RASEF: variants seen among roughly 807,000 people sequenced by gnomAD.
RASEF encodes the protein RAS and EF-hand domain containing.
A neutral mutation model predicts 90.1 loss-of-function variants in RASEF; 68 were observed. The observed-to-expected ratio is 0.75, with a 90% CI of 0.62 to 0.92. The LOEUF (loss-of-function observed/expected upper bound fraction) is 0.92, where lower values mean the gene tolerates loss of function less well. Among genes scored for constraint, RASEF ranks in the 40% least tolerant of loss-of-function variants. The probability of loss-of-function intolerance (pLI) is 0.00; values close to 1 mark genes in which losing one functional copy is unlikely to be tolerated. For synonymous variants in RASEF, 331 were observed against 345.2 expected, an observed-to-expected ratio of 0.96 and a Z score of 0.46; for missense variants, 949 against 937.2, an observed-to-expected ratio of 1.01 and a Z score of -0.16.
intron 9 of RASEF, 105 bp downstream of exon 9, chr9:83,004,393 G>A (rs912602843): frequency 1.6e-5 from 7 of 447,702 alleles, no homozygotes; most frequent in Admixed American, 1.1e-4. Context: ...ATATAAATTA[G>A]TGACCAAAGT....
At chr9:83,115,945 C>G in the RASEF span, among the ~76,000 whole-genome samples, 1 of 151,938 alleles carries the variant, frequency 6.6e-6, no homozygotes. Flanking sequence ...AAAACCATGT[C>G]TATCTAAATA....
chr9:83,174,594 T>C, the RASEF span, among the ~76,000 whole-genome samples: 1 of 152,202 alleles, frequency 6.6e-6, no homozygotes, highest in Non-Finnish European at 1.5e-5. Flanking sequence ...TCCAACTTTG[T>C]TATTCTTTTT....
At chr9:83,168,293 G>A in the RASEF span, among the ~76,000 whole-genome samples, 1 of 152,128 alleles carries the variant, frequency 6.6e-6, no homozygotes, top group African/African-American at 2.4e-5. Context: ...TTGGCCATTT[G>A]TGTGTCTTCT....
chr9:83,156,385 A>T, the RASEF span, among the ~76,000 whole-genome samples: 1 of 152,186 alleles, frequency 6.6e-6, no homozygotes, highest in Non-Finnish European at 1.5e-5. Context: ...ACACTCTGTA[A>T]TTGGAGTTCC....
chr9:83,175,486 T>C, the RASEF span, among the ~76,000 whole-genome samples: 1 of 152,190 alleles, frequency 6.6e-6, no homozygotes, highest in Non-Finnish European at 1.5e-5. Context: ...ATCCTTTATA[T>C]ATGATGCTGG....
chr9:83,152,177 C>T, the RASEF span, among the ~76,000 whole-genome samples: 31 of 152,184 alleles, frequency 2.0e-4, no homozygotes, highest in Non-Finnish European at 3.5e-4. Flanking sequence ...TCAGATGGGA[C>T]ACTAGGCTTG....
At chr9:83,019,806 C>T (rs937963560) in intron 3 of RASEF, among the ~76,000 whole-genome samples, 3 of 152,230 alleles carry the variant, frequency 2.0e-5, no homozygotes, top group Admixed American at 6.5e-5. Flanking sequence ...GAGTGGAAAA[C>T]GCCAGAGAAG....
At chr9:83,125,831 T>C in the RASEF span, among the ~76,000 whole-genome samples, 1 of 152,318 alleles carries the variant, frequency 6.6e-6, no homozygotes, top group South Asian at 2.1e-4. Context: ...CATATTAAAG[T>C]CTCTGAGAAG....
At chr9:83,196,295 C>T in the RASEF span, among the ~76,000 whole-genome samples, 1 of 152,146 alleles carries the variant, frequency 6.6e-6, no homozygotes, top group African/African-American at 2.4e-5. Flanking sequence ...TGGGGAATGT[C>T]TCTTCCACCC....
chr9:83,130,621 TTCAA>T, the RASEF span, among the ~76,000 whole-genome samples: 2 of 152,212 alleles, frequency 1.3e-5, no homozygotes, highest in South Asian at 2.1e-4. Context: ...TATTCATTCA[TTCAA>T]TCAATCATTT....
the RASEF span, among the ~76,000 whole-genome samples, chr9:83,178,647 G>A: frequency 6.6e-6 from 1 of 152,248 alleles, no homozygotes; most frequent in African/African-American, 2.4e-5. Context: ...CAGACACCTT[G>A]AATTTAATAA....
chr9:83,173,265 G>T, the RASEF span, among the ~76,000 whole-genome samples: 1 of 151,630 alleles, frequency 6.6e-6, no homozygotes, highest in Non-Finnish European at 1.5e-5. Flanking sequence ...TGTTGCACCT[G>T]GATATTTATA....
At chr9:83,070,797 C>G in the RASEF span, among the ~76,000 whole-genome samples, 3 of 152,092 alleles carry the variant, frequency 2.0e-5, no homozygotes, top group Non-Finnish European at 2.9e-5. Context: ...TTTATTTTCT[C>G]TCAACAATGT....
At chr9:83,110,413 C>A in the RASEF span, among the ~76,000 whole-genome samples, 2 of 152,262 alleles carry the variant, frequency 1.3e-5, no homozygotes, top group Admixed American at 1.3e-4. Context: ...CTTCAACCTC[C>A]ACATCCTGTC....
At chr9:83,167,259 A>G in the RASEF span, among the ~76,000 whole-genome samples, 2 of 152,112 alleles carry the variant, frequency 1.3e-5, no homozygotes, top group African/African-American at 4.8e-5. Context: ...AATCTGGTAT[A>G]TTAGAAAGAA....
At chr9:83,169,931 A>G in the RASEF span, among the ~76,000 whole-genome samples, 1 of 151,928 alleles carries the variant, frequency 6.6e-6, no homozygotes, top group Non-Finnish European at 1.5e-5. Context: ...TTTTAGCTTG[A>G]TATAATCCCA....
chr9:83,149,726 C>T, the RASEF span, among the ~76,000 whole-genome samples: 5 of 152,160 alleles, frequency 3.3e-5, no homozygotes, highest in African/African-American at 1.2e-4. Context: ...TCGACAACCA[C>T]GTCAGGTACT....
At chr9:83,019,990 G>A (rs1383306311) in intron 3 of RASEF, among the ~76,000 whole-genome samples, 2 of 152,170 alleles carry the variant, frequency 1.3e-5, no homozygotes, top group African/African-American at 4.8e-5. Flanking sequence ...GGATAGTTAT[G>A]CCCATGATCT....
At chr9:83,203,140 A>T in the RASEF span, among the ~76,000 whole-genome samples, 1 of 152,170 alleles carries the variant, frequency 6.6e-6, no homozygotes. Context: ...ATTAAAAATT[A>T]GTGTGGGTTC....
Sources: allele counts gnomAD v4.1 joint callset (sites outside exome capture counted in the v4.1 genomes callset), GRCh38; gene constraint gnomAD v4.1.1; transcripts MANE v1.5; gene names NCBI Gene and HGNC (gene_info 2026-07-23, HGNC 2026-07-21).